COLEC12: variants seen among roughly 807,000 people sequenced by gnomAD.
COLEC12 encodes the protein collectin subfamily member 12.
A neutral mutation model predicts 71.1 loss-of-function variants in COLEC12; 33 were observed. The ratio of observed to expected loss-of-function variants is 0.46; its 90% CI spans 0.35 to 0.62. The LOEUF is 0.62. Among genes scored for constraint, COLEC12 ranks in the 20% least tolerant of loss-of-function variants. COLEC12 has a pLI of 0.00. For missense variants in COLEC12, 765 were observed against 916.1 expected (o/e 0.84, Z 2.13); for synonymous variants, 350 against 353.0 (o/e 0.99, Z 0.10).
At chr18:388,188 G>A (rs1270116899) in intron 2 of COLEC12, among the ~76,000 whole-genome samples, 1 of 152,102 alleles carries the variant, frequency 6.6e-6, no homozygotes, top group African/African-American at 2.4e-5. Context: ...TACATAATTG[G>A]TTCTTGAAAG....
intron 2 of COLEC12, among the ~76,000 whole-genome samples, chr18:398,613 C>T (rs1050684351): frequency 6.6e-6 from 1 of 152,152 alleles, no homozygotes; most frequent in Non-Finnish European, 1.5e-5. Context: ...TGTCAGTGGG[C>T]CAGTCACAGG....
At chr18:385,836 A>G (rs1225551615) in intron 2 of COLEC12, among the ~76,000 whole-genome samples, 2 of 152,210 alleles carry the variant, frequency 1.3e-5, no homozygotes, top group Non-Finnish European at 2.9e-5. Flanking sequence ...AAAATTAGTA[A>G]AATGCTGATA....
chr18:399,949 G>A lies in COLEC12; in HGVS notation c.59-42427C>T, dbSNP rs977344796. 2.0e-5 allele frequency among the ~76,000 whole-genome samples: 3 copies of A among 152,160 alleles called. No individual in the cohort carries two copies. The highest frequency in any genetic ancestry group is 6.5e-5 in the Admixed American group (1 of 15,276). ...ACGCTTGTTAAAGGGTGGTGGGGGC[G>A]GGTGGGGGATAGTGACTGAAGAGGC... On this transcript the variant is annotated intron_variant, in intron 2 of 9. Coordinates refer to ENST00000400256, the MANE Select transcript of COLEC12 (RefSeq NM_130386.3). This position sits in a 1 kb window ranked among gnomAD's most constrained non-coding sequence, Gnocchi z 4.0.
chr18:345,321 A>C (rs1464516579), intron 5 of COLEC12, among the ~76,000 whole-genome samples: 1 of 152,188 alleles, frequency 6.6e-6, no homozygotes, highest in African/African-American at 2.4e-5. Context: ...AAGGACTTTT[A>C]ATTTATATGG....
At chr18:433,883 G>A (rs1231890921) in intron 2 of COLEC12, among the ~76,000 whole-genome samples, 2 of 150,740 alleles carry the variant, frequency 1.3e-5, no homozygotes, top group Admixed American at 6.6e-5. Context: ...AGGATCGCTT[G>A]AGCCCAGTAG....
chr18:401,083 C>A (rs184108298), intron 2 of COLEC12, among the ~76,000 whole-genome samples: 31 of 152,212 alleles, frequency 2.0e-4, no homozygotes, highest in Admixed American at 1.4e-3. Context: ...CATGGAAACA[C>A]CAATCTCATA....
chr18:359,975 G>C (rs961091193), intron 2 of COLEC12, among the ~76,000 whole-genome samples: 4 of 152,132 alleles, frequency 2.6e-5, no homozygotes, highest in South Asian at 2.1e-4. Context: ...CTTAAATTTA[G>C]CTTTCAGGGC....
intron 2 of COLEC12, among the ~76,000 whole-genome samples, chr18:473,583 G>C (rs540072905): frequency 1.0e-3 from 158 of 152,158 alleles, no homozygotes; most frequent in Middle Eastern, 3.4e-3. Flanking sequence ...GGCTAATCTC[G>C]AACCCCTGAC....
chr18:442,786 C>A (rs1324324833), intron 2 of COLEC12, among the ~76,000 whole-genome samples: 1 of 152,184 alleles, frequency 6.6e-6, no homozygotes, highest in Non-Finnish European at 1.5e-5. Context: ...ACGGTGAAAC[C>A]CTGTCTCTAT....
At chr18:350,350 C>T (rs188881579) in intron 3 of COLEC12, among the ~76,000 whole-genome samples, 47 of 152,242 alleles carry the variant, frequency 3.1e-4, no homozygotes, top group African/African-American at 1.1e-3. Flanking sequence ...TGAGGCCTCC[C>T]CAGCCATGTG....
At chr18:344,773 A>G (rs1261100459) in intron 5 of COLEC12, among the ~76,000 whole-genome samples, 1 of 152,226 alleles carries the variant, frequency 6.6e-6, no homozygotes, top group African/African-American at 2.4e-5. Flanking sequence ...AGGATTTTAC[A>G]TGTATTCCTA....
chr18:454,293 T>C (rs1916821200), intron 2 of COLEC12, among the ~76,000 whole-genome samples: 1 of 152,208 alleles, frequency 6.6e-6, no homozygotes, highest in Non-Finnish European at 1.5e-5. Context: ...GAGGCTACGA[T>C]GCGCTTCCCA....
chr18:390,673 T>C (rs939738908), intron 2 of COLEC12, among the ~76,000 whole-genome samples: 1 of 152,042 alleles, frequency 6.6e-6, no homozygotes, highest in Non-Finnish European at 1.5e-5. Context: ...GGCAGGAGAA[T>C]TGCTTGAACC....
chr18:449,312 G>T (rs778659900), intron 2 of COLEC12, among the ~76,000 whole-genome samples: 1 of 152,116 alleles, frequency 6.6e-6, no homozygotes, highest in Non-Finnish European at 1.5e-5. Context: ...AGTGTGAGAG[G>T]TTATCTTTGA....
chr18:429,202 GT>G (rs142565092), intron 2 of COLEC12, among the ~76,000 whole-genome samples: 1 of 151,556 alleles, frequency 6.6e-6, no homozygotes, highest in East Asian at 1.9e-4. Flanking sequence ...GTGTTTTTAT[GT>G]TTTTTTTGTT....
intron 2 of COLEC12, among the ~76,000 whole-genome samples, chr18:377,578 T>C (rs1031003853): frequency 6.6e-6 from 1 of 152,170 alleles, no homozygotes; most frequent in Admixed American, 6.5e-5. Context: ...AACACAGGCC[T>C]TGTTGCTCAA....
At chr18:497,383 G>T (rs898278403) in intron 1 of COLEC12, among the ~76,000 whole-genome samples, 3 of 147,052 alleles carry the variant, frequency 2.0e-5, no homozygotes, top group African/African-American at 7.5e-5. Flanking sequence ...TAAAGAATGG[G>T]GTGTGTGTGT....
At chr18:497,386 GTGTGT>G (rs1917732808) in intron 1 of COLEC12, among the ~76,000 whole-genome samples, 1 of 88,030 alleles carries the variant, frequency 1.1e-5, no homozygotes, top group African/African-American at 5.5e-5. Context: ...AGAATGGGGT[GTGTGT>G]GTGTGTGTGT....
In COLEC12 at chr18:321,671, T is replaced by C. The variant is rs1254678774; in HGVS notation, c.2200A>G (p.Arg734Gly). 6.2e-7 allele frequency: 1 copy of C among 1,614,204 alleles called. No individual in the cohort carries two copies. The highest frequency in any genetic ancestry group is 8.5e-7 in the Non-Finnish European group (1 of 1,180,026). Reference protein sequence around the residue: ...DVNNFICEKDRETVLSSAL With the variant: ...DVNNFICEKDGETVLSSAL ...CCCATCTACTGCTCACCTGTCTCCCTGTCTTTTTCGCAAATGAAGTTATTG... is the reference window on the plus strand; with the variant it reads ...CCCATCTACTGCTCACCTGTCTCCCCGTCTTTTTCGCAAATGAAGTTATTG... The change falls in exon 9 of 10, where the codon AGG becomes GGG. Residue 734 changes from arginine to glycine, a missense_variant. Coordinates refer to ENST00000400256, the MANE Select transcript of COLEC12 (RefSeq NM_130386.3).
Sources: gnomAD v4.1 joint callset for allele counts (sites outside exome capture counted in the v4.1 genomes callset) on GRCh38, gnomAD v4.1.1 for gene constraint, Gnocchi (gnomAD v3.1) non-coding constraint, MANE v1.5 for transcripts, NCBI Gene and HGNC (gene_info 2026-07-23, HGNC 2026-07-21) for gene names.